Variants in CNTN5 observed in about 807,000 individuals in gnomAD.
CNTN5 encodes the protein contactin 5, also known as contactin-5.
In CNTN5, 77 loss-of-function variants were observed where a neutral mutation model predicts 129.1. The ratio of observed to expected loss-of-function variants is 0.60; its 90% confidence interval spans 0.50 to 0.72. CNTN5 has a LOEUF of 0.72. Among genes scored for constraint, CNTN5 ranks in the 30% least tolerant of loss-of-function variants. The pLI, the probability that CNTN5 is intolerant of heterozygous loss-of-function variation, is 0.00. For synonymous variants in CNTN5, 509 were observed against 465.6 expected, an observed-to-expected ratio of 1.09 and a Z score of -1.20; for missense variants, 1,478 against 1,328.8, an observed-to-expected ratio of 1.11 and a Z score of -1.75.
chr11:99,574,880 G>A (rs1206547564), intron 3 of CNTN5, among the ~76,000 whole-genome samples: 2 of 152,012 alleles, frequency 1.3e-5, no homozygotes, highest in African/African-American at 4.8e-5. Context: ...TCATTCTGAT[G>A]ATAGTTTCTT....
chr11:99,912,405 A>G (rs935005808), intron 6 of CNTN5, among the ~76,000 whole-genome samples: 16 of 151,970 alleles, frequency 1.1e-4, no homozygotes, highest in African/African-American at 3.9e-4. Flanking sequence ...GAGCTATGAA[A>G]AGTTGGCCCA....
rs116544948 is a variant in CNTN5 at position 99,203,576 on chromosome 11, A to G, written c.-209-121770A>G. The stretch of plus-strand genomic sequence containing the variant: ...CTGTAATTGCAGATTTTCATGTAAC[A>G]TTTCTTTTTTTTTTGGGTGGGGGGT... On this transcript the variant is annotated intron_variant, in intron 1 of 24. Transcript: ENST00000524871. Among the ~76,000 whole-genome samples the G allele has an allele frequency of 4.6e-3, 697 of 150,896 alleles. 8 individuals are homozygous for G. Among genetic ancestry groups the G allele is most frequent in the African/African-American group, 0.015 (599 of 41,050 alleles).
chr11:100,040,204 G>A (rs972056311), intron 9 of CNTN5, among the ~76,000 whole-genome samples: 3 of 152,128 alleles, frequency 2.0e-5, no homozygotes, highest in African/African-American at 4.8e-5. Context: ...ACCTTCAGCT[G>A]CAGGTCTGTT....
At chr11:99,430,737 G>T (rs745427389) in intron 2 of CNTN5, among the ~76,000 whole-genome samples, 1 of 151,838 alleles carries the variant, frequency 6.6e-6, no homozygotes. Context: ...AAAAGGTTGG[G>T]GGGGCGGGGA....
At chr11:99,807,993 G>T (rs1946323872) in intron 3 of CNTN5, among the ~76,000 whole-genome samples, 1 of 152,120 alleles carries the variant, frequency 6.6e-6, no homozygotes. Context: ...ATTAGGCGTA[G>T]GGACCTTCTG....
chr11:99,271,254 AT>A (rs59285420), intron 1 of CNTN5, among the ~76,000 whole-genome samples: 3 of 151,798 alleles, frequency 2.0e-5, no homozygotes, highest in South Asian at 2.1e-4. Flanking sequence ...TGGAAAATGC[AT>A]TTTTTTATTT....
chr11:99,865,583 A>G (rs1206123594), intron 6 of CNTN5, among the ~76,000 whole-genome samples: 1 of 152,026 alleles, frequency 6.6e-6, no homozygotes, highest in Non-Finnish European at 1.5e-5. Flanking sequence ...CTTGAGAAAT[A>G]TATTTTAAGT....
At chr11:99,248,651 A>T (rs1861942820) in intron 1 of CNTN5, among the ~76,000 whole-genome samples, 1 of 152,208 alleles carries the variant, frequency 6.6e-6, no homozygotes, top group African/African-American at 2.4e-5. Context: ...AAGAAATGTA[A>T]GGAAGGGATC....
At chr11:100,182,300 G>A (rs1591364394) in intron 13 of CNTN5, among the ~76,000 whole-genome samples, 1 of 152,158 alleles carries the variant, frequency 6.6e-6, no homozygotes, top group East Asian at 1.9e-4. Context: ...TCCAGGATCA[G>A]GATGCTAAGA....
At chr11:99,159,059 T>C (rs185784118) in intron 1 of CNTN5, among the ~76,000 whole-genome samples, 166 of 152,304 alleles carry the variant, frequency 1.1e-3, no homozygotes, top group Admixed American at 7.8e-4. Flanking sequence ...TGAAAAGTTA[T>C]GTGACTTAGG....
intron 13 of CNTN5, among the ~76,000 whole-genome samples, chr11:100,125,517 A>G (rs1029054524): frequency 3.9e-5 from 6 of 152,080 alleles, no homozygotes; most frequent in African/African-American, 1.4e-4. Flanking sequence ...ATGGCTGTGT[A>G]GTAGTCCATG....
Position 99,348,761 on chromosome 11 carries a change from G to A in CNTN5, c.-71+23277G>A, listed in dbSNP as rs1044241889. ...ATCACATATATTATAATACATGTAAGATCTGTGGTTTTAAATCATTACTTT... is the reference window on the plus strand; with the variant it reads ...ATCACATATATTATAATACATGTAAAATCTGTGGTTTTAAATCATTACTTT... On this transcript the variant is annotated intron_variant, in intron 2 of 24. Coordinates refer to ENST00000524871, the MANE Select transcript of CNTN5 (RefSeq NM_014361.4). 3.9e-5 allele frequency among the ~76,000 whole-genome samples: 6 copies of A among 152,290 alleles called. No homozygotes were observed. The East Asian group carries it at 5.8e-4, about 15-fold the overall frequency.
intron 4 of CNTN5, among the ~76,000 whole-genome samples, chr11:99,834,074 C>A (rs1006499988): frequency 2.0e-5 from 3 of 152,062 alleles, no homozygotes; most frequent in African/African-American, 7.2e-5. Flanking sequence ...ATTTCATTAC[C>A]TATGTGGTAT....
rs984655366 is a variant in CNTN5 at position 99,347,847 on chromosome 11, A to G, written c.-71+22363A>G. On this transcript the variant is annotated intron_variant, in intron 2 of 24. Transcript: ENST00000524871. Reference sequence around the variant, plus strand: ...TAATGTGCTATTAATAATTTTCTTTACTAAAAAGGCACTACTCTGCTATTG... The same window carrying G: ...TAATGTGCTATTAATAATTTTCTTTGCTAAAAAGGCACTACTCTGCTATTG... 3.9e-5 allele frequency among the ~76,000 whole-genome samples: 6 copies of G among 152,292 alleles called. No homozygotes were observed. The South Asian group carries it at 1.0e-3, about 26-fold the overall frequency.
At chr11:100,084,808 T>C (rs1262660070) in intron 13 of CNTN5, among the ~76,000 whole-genome samples, 1 of 152,142 alleles carries the variant, frequency 6.6e-6, no homozygotes, top group African/African-American at 2.4e-5. Flanking sequence ...TTGTTCCTCT[T>C]TCTTTCCAGT....
At chr11:99,426,352 C>CA (rs35446880) in intron 2 of CNTN5, among the ~76,000 whole-genome samples, 2 of 151,732 alleles carry the variant, frequency 1.3e-5, no homozygotes, top group Non-Finnish European at 2.9e-5. Context: ...CAAATATTTC[C>CA]AAAAAAAGGG....
chr11:99,512,675 C>T (rs752067569), intron 2 of CNTN5, among the ~76,000 whole-genome samples: 74 of 152,114 alleles, frequency 4.9e-4, no homozygotes, highest in Middle Eastern at 3.4e-3. Flanking sequence ...ATGCCTGTTA[C>T]GGTGATCAGT....
chr11:99,980,874 T>G (rs555985635), intron 8 of CNTN5, among the ~76,000 whole-genome samples: 2 of 151,840 alleles, frequency 1.3e-5, no homozygotes, highest in South Asian at 2.1e-4. Context: ...AGGCTTAAGA[T>G]AGAATTTCAT....
intron 3 of CNTN5, among the ~76,000 whole-genome samples, chr11:99,692,140 A>C (rs1375804509): frequency 6.6e-6 from 1 of 152,002 alleles, no homozygotes; most frequent in Non-Finnish European, 1.5e-5. Flanking sequence ...GTGTCTTTGC[A>C]TGTGAGATAG....
Sources: allele counts gnomAD v4.1 joint callset (sites outside exome capture counted in the v4.1 genomes callset), GRCh38; gene constraint gnomAD v4.1.1; transcripts MANE v1.5; gene names NCBI Gene and HGNC (gene_info 2026-07-23, HGNC 2026-07-21).